The following MALRD1 variants were observed in gnomAD, a reference collection of about 807,000 sequenced individuals.
MALRD1 encodes MAM and LDL receptor class A domain containing 1, also known as MAM and LDL-receptor class A domain-containing protein 1.
MALRD1 carries 247 observed loss-of-function variants against 242.1 expected under a neutral mutation model. The ratio of observed to expected loss-of-function variants is 1.02; its 90% CI spans 0.92 to 1.13. MALRD1 has a LOEUF of 1.13. Among genes scored for constraint, MALRD1 ranks in the 50% most tolerant of loss-of-function variants. The pLI, the probability that MALRD1 is intolerant of heterozygous loss-of-function variation, is 0.00. For synonymous variants in MALRD1, 995 were observed against 866.6 expected (o/e 1.15, Z -2.60); for missense variants, 2,989 against 2,533.1 (o/e 1.18, Z -3.86).
At chr10:19,486,825 G>A (rs541505324) in intron 29 of MALRD1, among the ~76,000 whole-genome samples, 2 of 152,220 alleles carry the variant, frequency 1.3e-5, no homozygotes, top group East Asian at 1.9e-4. Context: ...TTATAGGATC[G>A]AGGATTTGTA....
At position 19,087,542 on chromosome 10, in the gene MALRD1, G is replaced by A. The variant is rs1047217852; in HGVS notation, c.341-298G>A. Among the ~76,000 whole-genome samples, 32 of 103,808 alleles carry A rather than the reference G, an allele frequency of 3.1e-4. 1 individual carries two copies. The highest frequency in any genetic ancestry group is 5.9e-4 in the Non-Finnish European group (32 of 54,682). The allele number at this position is 103,808 out of a possible 152,430, so 68.1% of individuals were successfully genotyped here. A position where few individuals can be genotyped will look rare whatever the true frequency, so the allele number is the denominator to read the frequency against. On this transcript the variant is annotated intron_variant, in intron 2 of 39. Transcript: ENST00000454679. Reference sequence around the variant, plus strand: ...CACTCTGAATCTAACACGTTGTCTCGTTTCTTTTTTTTTTTTTTAAGTTTT... The same window carrying A: ...CACTCTGAATCTAACACGTTGTCTCATTTCTTTTTTTTTTTTTTAAGTTTT...
In MALRD1 at chr10:19,204,281, G is replaced by T. The variant is rs1016318098; in HGVS notation, c.2105-27G>T. 9.8e-5 allele frequency: 102 copies of T among 1,042,906 alleles called. No homozygotes were observed. In the East Asian group the frequency reaches 1.1e-3, roughly 12 times the overall value. 64.6% of individuals were successfully genotyped at this position (1,042,906 alleles called of 1,614,324 possible). A position where few individuals can be genotyped will look rare whatever the true frequency, so the allele number is the denominator to read the frequency against. On this transcript the variant is annotated intron_variant, in intron 15 of 39. Transcript: ENST00000454679. Reference sequence around the variant, plus strand: ...TTAGAATCCAATAGGTTAATGAAGCGTTTTTTTTTTTTTTTTATCTCAACA... The same window carrying T: ...TTAGAATCCAATAGGTTAATGAAGCTTTTTTTTTTTTTTTTTATCTCAACA...
intron 32 of MALRD1, among the ~76,000 whole-genome samples, chr10:19,566,315 T>C (rs11010378): frequency 0.081 from 11,776 of 145,356 alleles, 1,379 homozygotes; most frequent in African/African-American, 0.26. Flanking sequence ...TTTTTTTTTT[T>C]TTTTTTTTGT....
rs568619309 is a variant in MALRD1 at position 19,733,737 on chromosome 10, T to C, written c.6391-420T>C. ...TATATATATATAATATATATAATTA[T>C]AGTTTACAGGAAACTTAAATGAAAT... On this transcript the variant is annotated intron_variant, in intron 39 of 39. Coordinates refer to ENST00000454679, the MANE Select transcript of MALRD1 (RefSeq NM_001142308.3). 4.4e-4 allele frequency among the ~76,000 whole-genome samples: 66 copies of C among 149,274 alleles called. 1 individual carries two copies. The highest frequency in any genetic ancestry group is 8.7e-4 in the Admixed American group (13 of 14,950).
At chr10:19,064,112 C>T (rs1270880437) in intron 1 of MALRD1, among the ~76,000 whole-genome samples, 2 of 152,130 alleles carry the variant, frequency 1.3e-5, no homozygotes, top group Non-Finnish European at 2.9e-5. Context: ...TTCCAATCCT[C>T]CCTCTGACTG....
At chr10:19,416,282 G>C (rs1833510300) in intron 28 of MALRD1, among the ~76,000 whole-genome samples, 1 of 152,180 alleles carries the variant, frequency 6.6e-6, no homozygotes, top group African/African-American at 2.4e-5. Flanking sequence ...GAGAGAATCA[G>C]AGAAGCCACA....
chr10:19,079,369 A>G (rs1835412342), intron 2 of MALRD1, among the ~76,000 whole-genome samples: 1 of 151,866 alleles, frequency 6.6e-6, no homozygotes, highest in Non-Finnish European at 1.5e-5. Flanking sequence ...GCTCTTAAAT[A>G]TATTCAGATT....
At chr10:19,118,685 C>T (rs1015869457) in intron 5 of MALRD1, among the ~76,000 whole-genome samples, 10 of 152,160 alleles carry the variant, frequency 6.6e-5, no homozygotes, top group African/African-American at 2.4e-4. Context: ...TATAATGAGG[C>T]ATGTCTGGCT....
intron 38 of MALRD1, among the ~76,000 whole-genome samples, chr10:19,706,663 A>G (rs991542230): frequency 6.6e-6 from 1 of 152,040 alleles, no homozygotes; most frequent in Non-Finnish European, 1.5e-5. Context: ...ATGTTTAAAA[A>G]GGAAAAAAAG....
chr10:19,561,985 T>A (rs938136389), intron 32 of MALRD1, among the ~76,000 whole-genome samples: 1 of 152,150 alleles, frequency 6.6e-6, no homozygotes, highest in African/African-American at 2.4e-5. Context: ...GAAGGGAATG[T>A]TCCTCTGATC....
intron 33 of MALRD1, among the ~76,000 whole-genome samples, chr10:19,586,095 C>T (rs981547259): frequency 3.3e-5 from 5 of 152,140 alleles, no homozygotes; most frequent in South Asian, 2.1e-4. Context: ...TTAAGCACTT[C>T]TCTGTATTGG....
intron 14 of MALRD1, among the ~76,000 whole-genome samples, chr10:19,190,470 A>T (rs1395129367): frequency 6.6e-6 from 1 of 152,062 alleles, no homozygotes; most frequent in African/African-American, 2.4e-5. Flanking sequence ...AATCTCAAAG[A>T]ACCCCAAATA....
Position 19,175,347 on chromosome 10 carries a change from T to C in MALRD1, c.1951+19T>C, listed in dbSNP as rs562294115. ...AGCAAGTGTAAGTTTTTCCTTGTCG[T>C]TGTTGCTGTTTTAAACATTGAATTA... On this transcript the variant is annotated intron_variant, in intron 14 of 39. Transcript: ENST00000454679. 1 of 1,226,924 alleles carries C rather than the reference T, an allele frequency of 8.2e-7. No individual in the cohort carries two copies. Among genetic ancestry groups the C allele is most frequent in the African/African-American group, 1.6e-5 (1 of 64,374 alleles). The allele number at this position is 1,226,924 out of a possible 1,614,324, so 76.0% of individuals were successfully genotyped here. A position where few individuals can be genotyped will look rare whatever the true frequency, so the allele number is the denominator to read the frequency against.
intron 29 of MALRD1, among the ~76,000 whole-genome samples, chr10:19,452,923 T>C (rs1365606960): frequency 6.6e-6 from 1 of 152,200 alleles, no homozygotes; most frequent in Non-Finnish European, 1.5e-5. Context: ...TTCATTTCGC[T>C]TTGCGTCGGT....
intron 23 of MALRD1, among the ~76,000 whole-genome samples, chr10:19,329,167 G>A (rs1033099618): frequency 1.6e-4 from 25 of 152,062 alleles, no homozygotes; most frequent in Non-Finnish European, 2.9e-4. Flanking sequence ...GTGAATATTT[G>A]CTGTTTTATG....
intron 21 of MALRD1, among the ~76,000 whole-genome samples, chr10:19,303,130 A>G (rs969311389): frequency 2.0e-5 from 3 of 151,666 alleles, no homozygotes; most frequent in Non-Finnish European, 4.4e-5. Flanking sequence ...ACCCAACTGT[A>G]TGGTACTTAA....
intron 21 of MALRD1, among the ~76,000 whole-genome samples, chr10:19,292,325 A>C (rs1841479246): frequency 6.6e-6 from 1 of 152,180 alleles, no homozygotes; most frequent in South Asian, 2.1e-4. Context: ...ACAAAAACAC[A>C]CATACCAATC....
At chr10:19,368,152 GT>G (rs1845186094) in intron 26 of MALRD1, among the ~76,000 whole-genome samples, 1 of 151,716 alleles carries the variant, frequency 6.6e-6, no homozygotes. Flanking sequence ...TTGTTTGTTT[GT>G]TTTTTGCCTG....
At chr10:19,174,973 T>G (rs1358721689) in intron 13 of MALRD1, among the ~76,000 whole-genome samples, 1 of 152,118 alleles carries the variant, frequency 6.6e-6, no homozygotes, top group African/African-American at 2.4e-5. Context: ...TCGTGATGAA[T>G]GTTACCACTT....
Sources: allele counts gnomAD v4.1 joint callset (sites outside exome capture counted in the v4.1 genomes callset), GRCh38; gene constraint gnomAD v4.1.1; transcripts MANE v1.5; gene names NCBI Gene and HGNC (gene_info 2026-07-23, HGNC 2026-07-21).